Variants in FCHO1 observed in about 807,000 individuals in gnomAD.
FCHO1 encodes the protein FCH and mu domain containing endocytic adaptor 1.
A neutral mutation model predicts 114.4 loss-of-function variants in FCHO1; 45 were observed. The ratio of observed to expected loss-of-function variants is 0.39; its 90% CI spans 0.31 to 0.50. FCHO1 has a LOEUF of 0.50. Ranked by LOEUF, FCHO1 falls within the 20% of genes least tolerant of loss-of-function variation. The pLI is 0.77. For missense variants in FCHO1, 1,042 were observed against 1,209.6 expected (o/e 0.86, Z 2.06); for synonymous variants, 480 against 488.9 (o/e 0.98, Z 0.24).
rs773168611 is a variant in FCHO1, at chr19:17,781,736, T to C, written c.1853T>C (p.Val618Ala). Residue 618 changes from valine to alanine, a missense_variant, in exon 23 of 29, where the codon GTG becomes GCG. Val to Ala is a moderately conservative substitution (Grantham distance 64). Transcript: ENST00000596536. ...GGAGTCTCCCGGGGTCCGAGCCCTG[T>C]GGTCCTGGGCTCCCAGGATGCCCTG... ...GHGVSRGPSPVVLGSQDALPI... is the reference protein window; with the variant it reads ...GHGVSRGPSPAVLGSQDALPI... 6.2e-7 allele frequency: 1 copy of C among 1,609,668 alleles called. No individual in the cohort carries two copies. The highest frequency in any genetic ancestry group is 1.1e-5 in the South Asian group (1 of 90,604).
intron 26 of FCHO1, among the ~76,000 whole-genome samples, chr19:17,785,936 G>A (rs900800685): frequency 2.0e-5 from 3 of 151,860 alleles, no homozygotes; most frequent in African/African-American, 7.2e-5. Flanking sequence ...AGGCTTCAAG[G>A]AGTTACCCTG....
chr19:17,767,932 T>A (rs2089987056), intron 7 of FCHO1, among the ~76,000 whole-genome samples: 1 of 152,252 alleles, frequency 6.6e-6, no homozygotes, highest in South Asian at 2.1e-4. Context: ...AGAACCATCT[T>A]AGACTCTTAG....
In FCHO1 at chr19:17,788,363, C is replaced by T; in HGVS notation, c.*57C>T. On this transcript the variant is annotated 3_prime_UTR_variant, in exon 29 of 29. Transcript: ENST00000596536. ...TGCGCCCTGGTGCTGGCTGACCACCCCCTGCCCTCCTGCCGGACCCTGGGG... is the reference window on the plus strand; with the variant it reads ...TGCGCCCTGGTGCTGGCTGACCACCTCCTGCCCTCCTGCCGGACCCTGGGG... 4 of 1,400,380 alleles carry T rather than the reference C, an allele frequency of 2.9e-6. No homozygotes were observed. The highest frequency in any genetic ancestry group is 3.0e-6 in the Non-Finnish European group (3 of 995,598). The allele number at this position is 1,400,380 out of a possible 1,614,324, so 86.7% of individuals were successfully genotyped here. A position where few individuals can be genotyped will look rare whatever the true frequency, so the allele number is the denominator to read the frequency against.
chr19:17,775,663 C>A lies in FCHO1; in HGVS notation c.1003+150C>A. 1.3e-6 allele frequency: 1 copy of A among 785,920 alleles called. No homozygotes were observed. The highest frequency in any genetic ancestry group is 2.2e-6 in the Non-Finnish European group (1 of 462,230). The allele number at this position is 785,920 out of a possible 1,614,324, so 48.7% of individuals were successfully genotyped here. ...AAGCCAACCTAAATGTAAACACCCACTCTATGGGGTCAGCACTGGGCAAGA... is the reference window on the plus strand; with the variant it reads ...AAGCCAACCTAAATGTAAACACCCAATCTATGGGGTCAGCACTGGGCAAGA... On this transcript the variant is annotated intron_variant, in intron 15 of 28. Coordinates refer to ENST00000596536, the MANE Select transcript of FCHO1 (RefSeq NM_015122.3). The surrounding 1 kb of genome is among the most constrained non-coding windows in gnomAD (Gnocchi z 5.1).
At chr19:17,777,294 T>G (rs1010508198) in intron 18 of FCHO1, among the ~76,000 whole-genome samples, 1 of 151,634 alleles carries the variant, frequency 6.6e-6, no homozygotes, top group Non-Finnish European at 1.5e-5. Context: ...TCCAGCACTT[T>G]GGGAGGCCAA....
At position 17,755,379 on chromosome 19, in the gene FCHO1, C is replaced by A. The variant is rs192330997; in HGVS notation, c.27+188C>A. 2.4e-3 allele frequency: 1,358 copies of A among 570,912 alleles called. 11 individuals carry two copies. The highest frequency in any genetic ancestry group is 8.5e-3 in the Middle Eastern group (18 of 2,108). 35.4% of individuals were successfully genotyped at this position (570,912 alleles called of 1,614,324 possible). ...CCCACCCCAGACCTCACAGGCCTTACAACCTTGGGCAAGTCATAGCTTGTG... is the reference window on the plus strand; with the variant it reads ...CCCACCCCAGACCTCACAGGCCTTAAAACCTTGGGCAAGTCATAGCTTGTG... On this transcript the variant is annotated intron_variant, in intron 4 of 28. Coordinates refer to ENST00000596536, the MANE Select transcript of FCHO1 (RefSeq NM_015122.3).
At chr19:17,748,685 C>T (rs1568304878), upstream of FCHO1, among the ~76,000 whole-genome samples, 1 of 152,182 alleles carries the variant, frequency 6.6e-6, no homozygotes, top group Non-Finnish European at 1.5e-5. Context: ...GAGTCACCTG[C>T]CCCAGCTGCA....
chr19:17,772,549 T>G lies in FCHO1; in HGVS notation c.687T>G (p.Ile229Met), dbSNP rs2091865397. ...CGGTGGAGGACACGCACGTGCAGAT[T>G]GGGCAGGTGAGTTGGGCAGGTGTGA... ...AHSVEDTHVQ[I>M]GQVHEEFKQN... Residue 229 changes from isoleucine to methionine, a missense_variant, in exon 10 of 29, where the codon ATT becomes ATG. Transcript: ENST00000596536. 1 of 1,613,958 alleles carries G rather than the reference T, an allele frequency of 6.2e-7. No homozygotes were observed. Among genetic ancestry groups the G allele is most frequent in the African/African-American group, 1.3e-5 (1 of 74,898 alleles).
Position 17,772,872 on chromosome 19 carries a change from A to G in FCHO1, c.790+131A>G, listed in dbSNP as rs1009499872. The G allele has an allele frequency of 3.3e-5, 22 of 667,814 alleles. No homozygotes were observed. The South Asian group carries it at 3.8e-4, about 11-fold the overall frequency. The allele number at this position is 667,814 out of a possible 1,614,324, so 41.4% of individuals were successfully genotyped here. On this transcript the variant is annotated intron_variant, in intron 11 of 28. Coordinates refer to ENST00000596536, the MANE Select transcript of FCHO1 (RefSeq NM_015122.3). ...GAGACGAGGTTTCACCATGTTGGCC[A>G]GGCTGGTCTCGAACTCTTGACCTCA...
Position 17,783,123 on chromosome 19 carries a change from C to T in FCHO1, c.2044C>T (p.His682Tyr). 1 of 1,614,186 alleles carries T rather than the reference C, an allele frequency of 6.2e-7. No homozygotes were observed. Among genetic ancestry groups the T allele is most frequent in the South Asian group, 1.1e-5 (1 of 91,084 alleles). The change falls in exon 24 of 29, where the codon CAC (histidine) becomes TAC (tyrosine). Residue 682 changes from histidine (H) to tyrosine (Y), a missense_variant. Around this residue, in one of 3 missense-constraint regions of FCHO1, gnomAD observed 455 missense variants for 455.4 expected, o/e 1.00. Transcript: ENST00000596536. ...ACCTGTCCTCAGCTTCCGGCTTGTA[C>T]ACACAACCGCTATTGAGCACTTCCA... ...PPPVLSFRLV[H>Y]TTAIEHFQPN...
At chr19:17,788,146 C>T in intron 28 of FCHO1, 138 bp from the exon 29 acceptor site, 2 of 765,638 alleles carry the variant, frequency 2.6e-6, no homozygotes, top group Non-Finnish European at 4.6e-6. Flanking sequence ...TCCTGGGGCC[C>T]AGTGGCAACA....
In FCHO1 at chr19:17,776,192, G is replaced by C. The variant is rs778953488; in HGVS notation, c.1182+31G>C. 1 of 1,614,086 alleles carries C rather than the reference G, an allele frequency of 6.2e-7. No homozygotes were observed. The highest frequency in any genetic ancestry group is 8.5e-7 in the Non-Finnish European group (1 of 1,180,000). On this transcript the variant is annotated intron_variant, in intron 16 of 28. Transcript: ENST00000596536. This position sits in a 1 kb window ranked among gnomAD's most constrained non-coding sequence, Gnocchi z 4.4. ...GCGTGGGAGGGGTGCCCTGGGTGTT[G>C]CTAGAGAGGCTGGCTGGATGCATTC...
At chr19:17,774,014 G>A (rs1054836518) in intron 11 of FCHO1, among the ~76,000 whole-genome samples, 1 of 151,640 alleles carries the variant, frequency 6.6e-6, no homozygotes, top group Non-Finnish European at 1.5e-5. Context: ...GGGTTCAAGC[G>A]ATTCTCCTGC....
chr19:17,785,250 C>T lies in FCHO1; in HGVS notation c.2426+326C>T, dbSNP rs561823736. Among the ~76,000 whole-genome samples, 8 of 152,284 alleles carry T rather than the reference C, an allele frequency of 5.3e-5. No homozygotes were observed. The East Asian group carries it at 1.2e-3, about 22-fold the overall frequency. ...ATTTATTTACTTTGAGATGAAGTCT[C>T]GCTCTGTCGTGCAGGTTGGAGTGCA... On this transcript the variant is annotated intron_variant, in intron 26 of 28. Coordinates refer to ENST00000596536, the MANE Select transcript of FCHO1 (RefSeq NM_015122.3).
chr19:17,780,972 C>CA (rs1332414018), intron 20 of FCHO1, among the ~76,000 whole-genome samples: 1 of 152,252 alleles, frequency 6.6e-6, no homozygotes, highest in Non-Finnish European at 1.5e-5. Flanking sequence ...CTTAAGCCTT[C>CA]AGTGCTTGCT....
intron 6 of FCHO1, 57 bp from the exon 7 acceptor site, chr19:17,766,612 C>T: frequency 2.5e-6 from 4 of 1,608,424 alleles, no homozygotes; most frequent in Non-Finnish European, 3.4e-6. Flanking sequence ...AGTGCCAGCG[C>T]TGTCCCGGGG....
chr19:17,788,252 C>T, intron 28 of FCHO1, 32 bp from the exon 29 acceptor site: 2 of 1,380,606 alleles, frequency 1.4e-6, no homozygotes, highest in South Asian at 1.2e-5. Flanking sequence ...CCCTCCTCCC[C>T]ACCCCTCCCC....
chr19:17,787,552 CAAAGGGAGGTCTGATGGGGCACAT>C, intron 27 of FCHO1, 106 bp from the exon 28 acceptor site: 1 of 1,028,262 alleles, frequency 9.7e-7, no homozygotes, highest in East Asian at 2.6e-5. Context: ...TGCAGGGGAT[CAAAGGGAGGTCTGATGGGGCACAT>C]AAAGGCCACA....
upstream of FCHO1, chr19:17,747,876 C>T (rs1319193005): frequency 6.6e-6 from 1 of 152,282 alleles, no homozygotes; most frequent in Admixed American, 6.5e-5. Context: ...CCACGCGCAC[C>T]GTGCCCTGCA....
Sources: gnomAD v4.1 joint callset for allele counts (sites outside exome capture counted in the v4.1 genomes callset) on GRCh38, gnomAD v4.1.1 for gene constraint, gnomAD v4.1.1 regional missense constraint, Gnocchi (gnomAD v3.1) non-coding constraint, MANE v1.5 for transcripts, NCBI Gene and HGNC (gene_info 2026-07-23, HGNC 2026-07-21) for gene names.